Variants in ANKRD44 observed in about 807,000 individuals in gnomAD.
The protein encoded by ANKRD44 is serine/threonine-protein phosphatase 6 regulatory ankyrin repeat subunit B.
In ANKRD44, 35 loss-of-function variants were observed where a neutral mutation model predicts 116.0. The ratio of observed to expected loss-of-function variants is 0.30; its 90% CI spans 0.23 to 0.40. ANKRD44 has a LOEUF of 0.40. ANKRD44 is among the 10% of genes least tolerant of loss of function. The probability of loss-of-function intolerance (pLI) is 1.00; values close to 1 mark genes in which losing one functional copy is unlikely to be tolerated. For missense variants in ANKRD44, 1,014 were observed against 1,242.6 expected, an observed-to-expected ratio of 0.82 and a Z score of 2.77; for synonymous variants, 435 against 461.8, an observed-to-expected ratio of 0.94 and a Z score of 0.74.
intron 1 of ANKRD44, among the ~76,000 whole-genome samples, chr2:197,208,116 G>A (rs1019223502): frequency 1.3e-5 from 2 of 152,164 alleles, no homozygotes; most frequent in African/African-American, 4.8e-5. Context: ...AGAGAGGTCT[G>A]AGATTTGTTA....
chr2:197,240,415 T>TA (rs1274184153), intron 1 of ANKRD44, among the ~76,000 whole-genome samples: 3 of 149,322 alleles, frequency 2.0e-5, no homozygotes, highest in Non-Finnish European at 4.4e-5. Context: ...GACCTTCTTT[T>TA]AAAAAAAACA....
At chr2:197,095,016 C>A (rs1371405769) in intron 10 of ANKRD44, among the ~76,000 whole-genome samples, 1 of 152,186 alleles carries the variant, frequency 6.6e-6, no homozygotes, top group East Asian at 1.9e-4. Context: ...TTGCACATAC[C>A]AGTCCCTCCA....
At chr2:197,117,443 T>C (rs901325712) in intron 8 of ANKRD44, among the ~76,000 whole-genome samples, 21 of 152,312 alleles carry the variant, frequency 1.4e-4, no homozygotes, top group Middle Eastern at 3.4e-3. Flanking sequence ...TTTTACCATG[T>C]TGGTCAGGCT....
intron 3 of ANKRD44, among the ~76,000 whole-genome samples, chr2:197,140,679 T>A (rs2079339512): frequency 6.6e-6 from 1 of 152,134 alleles, no homozygotes; most frequent in South Asian, 2.1e-4. Flanking sequence ...CTTAAACATT[T>A]GTTAAGAGGG....
At chr2:197,083,152 C>A (rs989641658) in intron 14 of ANKRD44, among the ~76,000 whole-genome samples, 4 of 152,196 alleles carry the variant, frequency 2.6e-5, no homozygotes, top group Admixed American at 2.6e-4. Context: ...ACTTGGGATT[C>A]AACCCAAAGA....
chr2:197,296,555 G>A (rs1012714770), intron 1 of ANKRD44: 4 of 152,034 alleles, frequency 2.6e-5, no homozygotes, highest in African/African-American at 7.2e-5. Context: ...TCTCCTTCCC[G>A]CTCCTAATTC....
chr2:197,160,036 T>C (rs999171531), intron 2 of ANKRD44, among the ~76,000 whole-genome samples: 1 of 152,084 alleles, frequency 6.6e-6, no homozygotes, highest in South Asian at 2.1e-4. Context: ...AGGTGGCCTA[T>C]ATGATAGACA....
intron 16 of ANKRD44, among the ~76,000 whole-genome samples, chr2:197,056,166 GA>G (rs1209649287): frequency 6.6e-6 from 1 of 152,044 alleles, no homozygotes; most frequent in Admixed American, 6.6e-5. Context: ...TTTTGTAACA[GA>G]TTTTTTATAT....
At chr2:197,243,962 A>G (rs1443156649) in intron 1 of ANKRD44, among the ~76,000 whole-genome samples, 1 of 152,232 alleles carries the variant, frequency 6.6e-6, no homozygotes, top group African/African-American at 2.4e-5. Context: ...GAGTTAAGAA[A>G]TCGTATAGTA....
chr2:197,146,306 G>T (rs1271780468), intron 3 of ANKRD44, among the ~76,000 whole-genome samples: 1 of 152,104 alleles, frequency 6.6e-6, no homozygotes, highest in Non-Finnish European at 1.5e-5. Flanking sequence ...CTACTTAGAG[G>T]TAACCACTAA....
chr2:197,141,590 G>A (rs573440152), intron 3 of ANKRD44, among the ~76,000 whole-genome samples: 1 of 152,288 alleles, frequency 6.6e-6, no homozygotes, highest in East Asian at 1.9e-4. Flanking sequence ...TTGTTCGCGT[G>A]TAGCTTCAGA....
chr2:197,078,792 T>C lies in ANKRD44; in HGVS notation c.1561A>G (p.Asn521Asp), dbSNP rs1259906333. 6.2e-7 allele frequency: 1 copy of C among 1,613,186 alleles called. No homozygotes were observed. Among genetic ancestry groups the C allele is most frequent in the Non-Finnish European group, 8.5e-7 (1 of 1,179,350 alleles). ...ATLCLEFLLQ[N>D]DANPSIRDKE... is the part of the protein sequence containing the mutation. ...TCCCGGATAGATGGATTTGCATCAT[T>C]TTGAAGCAGAAACTCTAGACATCTG... The change falls in exon 16 of 28, where the codon AAT becomes GAT. Residue 521 changes from asparagine to aspartate, a missense_variant. By Grantham distance (23) the Asn-to-Asp change is conservative (BLOSUM62 1). Coordinates refer to ENST00000282272, the MANE Select transcript of ANKRD44 (RefSeq NM_001195144.2).
chr2:197,146,536 T>A (rs530457737), intron 3 of ANKRD44, among the ~76,000 whole-genome samples: 1 of 151,908 alleles, frequency 6.6e-6, no homozygotes, highest in Admixed American at 6.6e-5. Context: ...ATACATGCTA[T>A]ACATAGTGTT....
In ANKRD44 at chr2:197,287,114, A is replaced by G. The variant is rs936607437; in HGVS notation, c.27+23464T>C. On this transcript the variant is annotated intron_variant, in intron 1 of 27. Coordinates refer to ENST00000282272, the MANE Select transcript of ANKRD44 (RefSeq NM_001195144.2). The stretch of plus-strand genomic sequence containing the variant: ...ACTTTGGGTGATGATGTGTCAATGC[A>G]GGTTCATCGATGGTAACAAATGTAC... Among the ~76,000 whole-genome samples the G allele has an allele frequency of 8.5e-5, 13 of 152,272 alleles. No homozygotes were observed. In the South Asian group the frequency reaches 2.7e-3, roughly 32 times the overall value.
intron 2 of ANKRD44, among the ~76,000 whole-genome samples, chr2:197,158,061 T>G (rs1230277090): frequency 6.6e-6 from 1 of 152,204 alleles, no homozygotes; most frequent in Non-Finnish European, 1.5e-5. Context: ...GTTCTGGTCC[T>G]TAAGTCCCAC....
chr2:197,025,230 T>C lies in ANKRD44; in HGVS notation c.1688A>G (p.Asp563Gly). The stretch of plus-strand genomic sequence containing the variant: ...GAGTGGACTCTTAGTAGCACCAGAA[T>C]CTGATTCTTCAAATCCACTGTTTGT... ...ERTNSGFEES[D>G]SGATKSPLHL... Residue 563 changes from aspartate to glycine, a missense_variant, in exon 17 of 28, where the codon GAT becomes GGT. By Grantham distance (94) the Asp-to-Gly change is moderately conservative. Transcript: ENST00000282272. 1 of 1,612,794 alleles carries C rather than the reference T, an allele frequency of 6.2e-7. No individual in the cohort carries two copies. Among genetic ancestry groups the C allele is most frequent in the Non-Finnish European group, 8.5e-7 (1 of 1,178,902 alleles).
Position 197,136,539 on chromosome 2 carries a change from T to A in ANKRD44, c.261+53A>T, listed in dbSNP as rs113586956. 1.0e-5 allele frequency: 16 copies of A among 1,539,988 alleles called. No individual in the cohort carries two copies. In the African/African-American group the frequency reaches 1.6e-4, roughly 16 times the overall value. On this transcript the variant is annotated intron_variant, in intron 4 of 27. Transcript: ENST00000282272. ...AGGATTCTTAATTCGCTAGCAAGAC[T>A]TTTTCTTTTTCTAGGCACAGTAGGT... is the stretch of plus-strand genomic sequence containing the variant.
At chr2:196,983,700 G>C (rs1244522342), downstream of ANKRD44, among the ~76,000 whole-genome samples, 5 of 152,178 alleles carry the variant, frequency 3.3e-5, no homozygotes, top group Non-Finnish European at 7.3e-5. Flanking sequence ...GTAATACACA[G>C]TACTTCATTA....
chr2:197,061,071 A>G (rs1479928409), intron 16 of ANKRD44, among the ~76,000 whole-genome samples: 1 of 152,190 alleles, frequency 6.6e-6, no homozygotes, highest in Non-Finnish European at 1.5e-5. Context: ...ACTATATGGT[A>G]GTCCTATTTT....
Sources: allele counts gnomAD v4.1 joint callset (sites outside exome capture counted in the v4.1 genomes callset), GRCh38; gene constraint gnomAD v4.1.1; transcripts MANE v1.5; gene names NCBI Gene and HGNC (gene_info 2026-07-23, HGNC 2026-07-21).